Variants in DSE observed in about 807,000 individuals in gnomAD.
DSE encodes the protein dermatan-sulfate epimerase.
A neutral mutation model predicts 84.4 loss-of-function variants in DSE; 36 were observed. The ratio of observed to expected loss-of-function variants is 0.43; its 90% CI spans 0.33 to 0.56. The LOEUF is 0.56. Ranked by LOEUF, DSE falls within the 20% of genes least tolerant of loss-of-function variation. The pLI is 0.06. For synonymous variants in DSE, 410 were observed against 430.1 expected (o/e 0.95, Z 0.58); for missense variants, 862 against 1,169.6 (o/e 0.74, Z 3.84).
rs1430817627 is a variant in DSE at position 116,435,268 on chromosome 6, A to G, written c.1119-319A>G. ...AACCAGAAATTTGGATGAAGTGCTTAAATCCATGAGGCCCAGTAGTTTGAA... is the reference window on the plus strand; with the variant it reads ...AACCAGAAATTTGGATGAAGTGCTTGAATCCATGAGGCCCAGTAGTTTGAA... On this transcript the variant is annotated intron_variant, in intron 5 of 5. Transcript: ENST00000644252. Among the ~76,000 whole-genome samples, 4 of 152,346 alleles carry G rather than the reference A, an allele frequency of 2.6e-5. No individual in the cohort carries two copies. In the East Asian group the frequency reaches 7.7e-4, roughly 29 times the overall value.
At chr6:116,262,874 A>G (rs1237791864) in intron 2 of DSE, among the ~76,000 whole-genome samples, 4 of 152,118 alleles carry the variant, frequency 2.6e-5, no homozygotes, top group Non-Finnish European at 4.4e-5. Context: ...TATTTACTCA[A>G]AAGTCATTCA....
At chr6:116,357,102 C>T (rs767524557) in intron 2 of DSE, among the ~76,000 whole-genome samples, 43 of 152,156 alleles carry the variant, frequency 2.8e-4, no homozygotes, top group Non-Finnish European at 5.3e-4. Flanking sequence ...TAATATTTCT[C>T]CCACCCGCAT....
intron 2 of DSE, among the ~76,000 whole-genome samples, chr6:116,273,351 G>A (rs1772967037): frequency 6.6e-6 from 1 of 152,112 alleles, no homozygotes; most frequent in Non-Finnish European, 1.5e-5. Context: ...TTTTCCTAAT[G>A]TGGCTTGATA....
chr6:116,368,762 G>A (rs1390939917), upstream of DSE, among the ~76,000 whole-genome samples: 1 of 152,232 alleles, frequency 6.6e-6, no homozygotes, highest in Non-Finnish European at 1.5e-5. Flanking sequence ...TGTTGGCAAA[G>A]TAAATCTCCT....
rs993560987 is a variant in DSE, at chr6:116,334,542, A to T, written c.-53-64656A>T. On this transcript the variant is annotated intron_variant, in intron 2 of 3. Transcript: ENST00000430252. ...CCTTGCTAGATCCCATTTGTTATTTATTTTTTTTGCCTTCATTGCAATTGC... is the reference window on the plus strand; with the variant it reads ...CCTTGCTAGATCCCATTTGTTATTTTTTTTTTTTGCCTTCATTGCAATTGC... Among the ~76,000 whole-genome samples, 7 of 151,694 alleles carry T rather than the reference A, an allele frequency of 4.6e-5. No homozygotes were observed. In the East Asian group the frequency reaches 9.7e-4, roughly 21 times the overall value.
chr6:116,320,436 A>C (rs574532882), intron 2 of DSE, among the ~76,000 whole-genome samples: 1 of 151,788 alleles, frequency 6.6e-6, no homozygotes, highest in Non-Finnish European at 1.5e-5. Context: ...ATTAGATACT[A>C]GATAAGTCAG....
At chr6:116,364,424 A>G (rs1056675150) in intron 2 of DSE, among the ~76,000 whole-genome samples, 1 of 152,254 alleles carries the variant, frequency 6.6e-6, no homozygotes, top group African/African-American at 2.4e-5. Flanking sequence ...CCCATCTAAA[A>G]GATACTATAA....
chr6:116,371,288 G>C (rs1455410137), intron 1 of DSE, among the ~76,000 whole-genome samples, 167 bp downstream of exon 1: 2 of 152,230 alleles, frequency 1.3e-5, no homozygotes, highest in African/African-American at 4.8e-5. Context: ...GCCCGGCTCG[G>C]CTGGACTCCG....
At chr6:116,403,796 T>C (rs1180683985) in intron 2 of DSE, among the ~76,000 whole-genome samples, 6 of 152,174 alleles carry the variant, frequency 3.9e-5, no homozygotes, top group Non-Finnish European at 7.4e-5. Context: ...CCCATAGGGC[T>C]TTTATGAAGA....
intron 2 of DSE, among the ~76,000 whole-genome samples, chr6:116,347,195 C>T (rs1227359287): frequency 6.6e-6 from 1 of 152,086 alleles, no homozygotes; most frequent in Non-Finnish European, 1.5e-5. Flanking sequence ...CCATACTGTC[C>T]AAGGTAATTT....
At chr6:116,316,807 TCTA>T (rs200484849) in intron 2 of DSE, among the ~76,000 whole-genome samples, 6 of 138,042 alleles carry the variant, frequency 4.3e-5, no homozygotes, top group Admixed American at 7.2e-5. Context: ...TATTTCTTCT[TCTA>T]CTACTACTAC....
intron 3 of DSE, among the ~76,000 whole-genome samples, chr6:116,427,240 T>G (rs929022595): frequency 6.6e-6 from 1 of 152,244 alleles, no homozygotes; most frequent in African/African-American, 2.4e-5. Context: ...CTACTATTTT[T>G]TCCTCTTAAT....
intron 2 of DSE, among the ~76,000 whole-genome samples, chr6:116,281,447 A>G (rs145180379): frequency 6.6e-6 from 1 of 152,226 alleles, no homozygotes; most frequent in Non-Finnish European, 1.5e-5. Flanking sequence ...GTTTGGTTGC[A>G]TCTATGGGTG....
chr6:116,357,176 G>A (rs374240140), intron 2 of DSE, among the ~76,000 whole-genome samples: 6 of 152,220 alleles, frequency 3.9e-5, no homozygotes, highest in Admixed American at 3.9e-4. Flanking sequence ...TCCAGTACTA[G>A]TTAGAAGGAT....
chr6:116,260,351 A>G (rs1283709112), intron 2 of DSE, among the ~76,000 whole-genome samples: 1 of 151,860 alleles, frequency 6.6e-6, no homozygotes, highest in Non-Finnish European at 1.5e-5. Flanking sequence ...TTTTCTTGTG[A>G]ATTTAAGTTC....
intron 1 of DSE, chr6:116,258,302 C>T (rs1044706676): frequency 1.4e-5 from 6 of 442,328 alleles, no homozygotes; most frequent in Non-Finnish European, 2.1e-5. Context: ...AGGTGTGAGC[C>T]ACCGGACCTG....
At chr6:116,326,331 C>G (rs1020487751) in intron 2 of DSE, among the ~76,000 whole-genome samples, 2 of 151,938 alleles carry the variant, frequency 1.3e-5, no homozygotes, top group Non-Finnish European at 2.9e-5. Flanking sequence ...GGGTTCTTTT[C>G]AGCTTTTTCT....
intron 2 of DSE, chr6:116,277,658 G>A (rs1214304965): frequency 2.6e-5 from 4 of 152,014 alleles, no homozygotes; most frequent in Admixed American, 6.6e-5. Flanking sequence ...TTTTAAGAGA[G>A]GATTGGGAGG....
chr6:116,392,191 A>G (rs1277383555), intron 1 of DSE, among the ~76,000 whole-genome samples: 2 of 152,190 alleles, frequency 1.3e-5, no homozygotes, highest in Non-Finnish European at 2.9e-5. Flanking sequence ...AGAGAAGGCA[A>G]TGCAGCCCTG....
Sources: gnomAD v4.1 joint callset for allele counts (sites outside exome capture counted in the v4.1 genomes callset) on GRCh38, gnomAD v4.1.1 for gene constraint, MANE v1.5 for transcripts, NCBI Gene and HGNC (gene_info 2026-07-23, HGNC 2026-07-21) for gene names.